The following CHLSN variants were observed in gnomAD, a reference collection of about 807,000 sequenced individuals.
The protein encoded by CHLSN is protein cholesin.
chr7:1,009,465 G>A, the CHLSN span, among the ~76,000 whole-genome samples: 1 of 151,834 alleles, frequency 6.6e-6, no homozygotes. Context: ...CCACGCCGCA[G>A]GCACCATCCA....
the CHLSN span, among the ~76,000 whole-genome samples, chr7:1,098,710 T>C: frequency 8.0e-5 from 12 of 149,626 alleles, no homozygotes; most frequent in East Asian, 2.0e-4. Flanking sequence ...CTGCCACGCT[T>C]GGTGAGATAA....
the CHLSN span, among the ~76,000 whole-genome samples, chr7:1,053,211 C>T: frequency 4.6e-5 from 7 of 152,220 alleles, no homozygotes; most frequent in African/African-American, 9.6e-5. Flanking sequence ...AGGCTCCACC[C>T]GCCTGGGCCA....
At chr7:1,136,493 C>T in the CHLSN span, among the ~76,000 whole-genome samples, 18 of 99,914 alleles carry the variant, frequency 1.8e-4, no homozygotes, top group African/African-American at 7.3e-4. Flanking sequence ...CATATATAAA[C>T]ATATAAATAT....
chr7:1,053,946 C>T, the CHLSN span, among the ~76,000 whole-genome samples: 1 of 152,254 alleles, frequency 6.6e-6, no homozygotes, highest in Non-Finnish European at 1.5e-5. Context: ...CTCCCAGGGA[C>T]CCTGTTCCTA....
the CHLSN span, among the ~76,000 whole-genome samples, chr7:1,022,513 C>T: frequency 6.6e-6 from 1 of 152,158 alleles, no homozygotes; most frequent in Non-Finnish European, 1.5e-5. Flanking sequence ...TTAACGCAAT[C>T]GCAGGTGACG....
the CHLSN span, among the ~76,000 whole-genome samples, chr7:1,122,293 G>A: frequency 6.6e-6 from 1 of 152,236 alleles, no homozygotes; most frequent in Non-Finnish European, 1.5e-5. Context: ...AGCCAGGGGG[G>A]TTCTGCTGAC....
chr7:1,112,250 G>T, the CHLSN span, among the ~76,000 whole-genome samples: 31,121 of 152,174 alleles, frequency 0.2, 3,476 homozygotes, highest in Middle Eastern at 0.33. Context: ...CTCCATGGCA[G>T]TGAGGAAGGC....
the CHLSN span, among the ~76,000 whole-genome samples, chr7:1,081,709 AG>A: frequency 6.8e-6 from 1 of 146,408 alleles, no homozygotes; most frequent in Admixed American, 6.8e-5. Flanking sequence ...AGCCTGGGGG[AG>A]GGACAGGGAG....
the CHLSN span, chr7:1,021,428 G>A: frequency 2.0e-6 from 2 of 985,472 alleles, no homozygotes; most frequent in Non-Finnish European, 2.4e-6. Flanking sequence ...GCTCTGCCCA[G>A]CCTTCCTGTC....
At chr7:984,410 A>G in the CHLSN span, 3 of 1,546,872 alleles carry the variant, frequency 1.9e-6, no homozygotes, top group African/African-American at 1.4e-5. Flanking sequence ...CATCCCTGCC[A>G]GCTCTCAGAA....
At chr7:1,042,364 C>G in the CHLSN span, among the ~76,000 whole-genome samples, 4 of 152,322 alleles carry the variant, frequency 2.6e-5, no homozygotes, top group East Asian at 5.8e-4. Flanking sequence ...GGTGCAACCG[C>G]GAAGCTGAGT....
chr7:1,051,296 G>C, the CHLSN span, among the ~76,000 whole-genome samples: 11 of 152,360 alleles, frequency 7.2e-5, no homozygotes, highest in African/African-American at 2.6e-4. Context: ...GCTCTCTAGG[G>C]TGCACCTGGT....
chr7:1,114,066 G>T, the CHLSN span, among the ~76,000 whole-genome samples: 1 of 152,174 alleles, frequency 6.6e-6, no homozygotes, highest in Non-Finnish European at 1.5e-5. Flanking sequence ...TAATTAACCC[G>T]CAGTGCAGCG....
the CHLSN span, among the ~76,000 whole-genome samples, chr7:1,030,012 G>A: frequency 6.6e-6 from 1 of 152,186 alleles, no homozygotes; most frequent in Non-Finnish European, 1.5e-5. Context: ...TCTGCCACTG[G>A]TGTCCGCACC....
At chr7:1,012,169 C>T in the CHLSN span, among the ~76,000 whole-genome samples, 2,174 of 152,344 alleles carry the variant, frequency 0.014, 111 homozygotes, top group East Asian at 0.19. Context: ...GCTGATCACA[C>T]GGGCCAAAGT....
the CHLSN span, chr7:1,028,332 G>T: frequency 2.0e-6 from 2 of 1,024,158 alleles, no homozygotes; most frequent in Non-Finnish European, 2.3e-6. Flanking sequence ...CGCACCGCCC[G>T]GCCCGCGCCT....
the CHLSN span, among the ~76,000 whole-genome samples, chr7:1,051,799 C>A: frequency 6.6e-6 from 1 of 152,168 alleles, no homozygotes; most frequent in Non-Finnish European, 1.5e-5. Context: ...CATAGTGAGA[C>A]CCTGTCTCAA....
chr7:1,092,781 C>A, the CHLSN span: 2 of 1,613,558 alleles, frequency 1.2e-6, no homozygotes, highest in African/African-American at 2.7e-5. Context: ...TGAACCGCTT[C>A]TGTCACGCTG....
chr7:1,023,662 CA>C, the CHLSN span, among the ~76,000 whole-genome samples: 64 of 113,002 alleles, frequency 5.7e-4, 1 homozygote, highest in African/African-American at 1.2e-3. This position sits in a 1 kb window ranked among gnomAD's most constrained non-coding sequence, Gnocchi z 5.0. Context: ...CACACACACA[CA>C]CACACACACA....
Sources: allele counts gnomAD v4.1 joint callset (sites outside exome capture counted in the v4.1 genomes callset), GRCh38; gene constraint gnomAD v4.1.1; non-coding constraint Gnocchi (gnomAD v3.1); transcripts MANE v1.5; gene names NCBI Gene and HGNC (gene_info 2026-07-23, HGNC 2026-07-21).